The following DGLUCY variants were observed in gnomAD, a reference collection of about 807,000 sequenced individuals.
DGLUCY encodes D-glutamate cyclase, mitochondrial.
A neutral mutation model predicts 58.5 loss-of-function variants in DGLUCY; 58 were observed. That is an observed-to-expected ratio of 0.99 (90% CI 0.80 to 1.23). DGLUCY has a LOEUF of 1.23. Among genes scored for constraint, DGLUCY ranks in the 50% most tolerant of loss-of-function variants. The probability of loss-of-function intolerance (pLI) is 0.00; values close to 1 mark genes in which losing one functional copy is unlikely to be tolerated. For missense variants in DGLUCY, 779 were observed against 784.7 expected (o/e 0.99, Z 0.09); for synonymous variants, 325 against 314.1 (o/e 1.03, Z -0.37).
chr14:91,125,785 T>C (rs1427716642), intron 1 of DGLUCY, among the ~76,000 whole-genome samples: 1 of 152,096 alleles, frequency 6.6e-6, no homozygotes, highest in Admixed American at 6.5e-5. Context: ...AAATCCTGTC[T>C]CTACTAAAAA....
At chr14:91,085,744 T>C (rs1408319952) in intron 1 of DGLUCY, among the ~76,000 whole-genome samples, 1 of 152,030 alleles carries the variant, frequency 6.6e-6, no homozygotes, top group African/African-American at 2.4e-5. Flanking sequence ...TAATTTTGTA[T>C]TTTTAGTAGA....
intron 7 of DGLUCY, among the ~76,000 whole-genome samples, chr14:91,178,413 C>T (rs932134469): frequency 6.6e-6 from 1 of 152,146 alleles, no homozygotes; most frequent in African/African-American, 2.4e-5. Flanking sequence ...ATCCTCCCAC[C>T]TCAGCCTCCC....
At chr14:91,220,127 A>T (rs1298953439) in intron 13 of DGLUCY, among the ~76,000 whole-genome samples, 1 of 152,206 alleles carries the variant, frequency 6.6e-6, no homozygotes. Context: ...TTGTAAAAAC[A>T]TCGGGCCTGC....
chr14:91,222,633 A>G (rs920391554), intron 13 of DGLUCY, among the ~76,000 whole-genome samples: 6 of 152,218 alleles, frequency 3.9e-5, no homozygotes, highest in African/African-American at 1.2e-4. Flanking sequence ...AGCTGTGAAG[A>G]GACAGTTTGC....
At chr14:91,124,997 A>G (rs895652949) in intron 1 of DGLUCY, among the ~76,000 whole-genome samples, 4 of 152,178 alleles carry the variant, frequency 2.6e-5, no homozygotes, top group Non-Finnish European at 4.4e-5. Flanking sequence ...ACATTGCACA[A>G]GTTACTTCCT....
At chr14:91,072,836 T>C (rs143838042) in intron 1 of DGLUCY, among the ~76,000 whole-genome samples, 49,257 of 151,484 alleles carry the variant, frequency 0.33, 8,433 homozygotes, top group African/African-American at 0.43. Flanking sequence ...GGTGAAACCC[T>C]GTCTCTACTA....
intron 13 of DGLUCY, among the ~76,000 whole-genome samples, chr14:91,221,419 AATAG>A (rs1452628898): frequency 3.0e-4 from 45 of 150,616 alleles, no homozygotes; most frequent in Admixed American, 1.3e-3. Flanking sequence ...ATGGATGGAT[AATAG>A]ATGGATGGAT....
intron 1 of DGLUCY, among the ~76,000 whole-genome samples, chr14:91,100,897 C>A (rs1172789775): frequency 1.3e-5 from 2 of 152,028 alleles, no homozygotes; most frequent in Non-Finnish European, 2.9e-5. Flanking sequence ...ATGGTAAAAC[C>A]CTGTCTCTAC....
chr14:91,136,779 G>A (rs1464520869), intron 1 of DGLUCY, among the ~76,000 whole-genome samples: 1 of 151,950 alleles, frequency 6.6e-6, no homozygotes, highest in Non-Finnish European at 1.5e-5. Context: ...GACCAGCCTG[G>A]CCAACATGGA....
At chr14:91,173,579 C>T (rs914961370) in intron 6 of DGLUCY, 140 bp downstream of exon 6, 5 of 1,217,500 alleles carry the variant, frequency 4.1e-6, no homozygotes, top group Non-Finnish European at 5.5e-6. Context: ...ATGATCCTGA[C>T]AGCCTCTCTT....
At chr14:91,176,094 G>A in intron 7 of DGLUCY, 38 bp downstream of exon 7, 1 of 1,606,644 alleles carries the variant, frequency 6.2e-7, no homozygotes. Flanking sequence ...ATCTGCCCTA[G>A]GATGGAGCCC....
In DGLUCY at chr14:91,170,110, T is replaced by G; in HGVS notation, c.365T>G (p.Leu122Arg). 1 of 1,613,174 alleles carries G rather than the reference T, an allele frequency of 6.2e-7. No homozygotes were observed. The highest frequency in any genetic ancestry group is 1.7e-5 in the Admixed American group (1 of 60,026). The change falls in exon 5 of 14, where the codon CTG becomes CGG. Residue 122 changes from leucine to arginine, a missense_variant. Physicochemically the swap from Leu to Arg is moderately radical, Grantham distance 102. Transcript: ENST00000256324. ...CTGAAGGACATGGTGGCCTTCTTCC[T>G]GGGCTGCAGCTTCTCCCTGGAGGAG... ...EQLKDMVAFF[L>R]GCSFSLEEAL...
At chr14:91,153,529 A>G (rs1474957757) in intron 1 of DGLUCY, among the ~76,000 whole-genome samples, 1 of 152,180 alleles carries the variant, frequency 6.6e-6, no homozygotes, top group Non-Finnish European at 1.5e-5. Flanking sequence ...GGCACTGTTG[A>G]TGCTGCACAT....
intron 1 of DGLUCY, among the ~76,000 whole-genome samples, chr14:91,127,130 C>T (rs751437349): frequency 2.9e-4 from 41 of 143,702 alleles, no homozygotes; most frequent in Non-Finnish European, 5.5e-4. Flanking sequence ...AAGTATGGCT[C>T]ACTACAGCCT....
chr14:91,209,640 G>A (rs558546533), intron 12 of DGLUCY, among the ~76,000 whole-genome samples: 3 of 151,438 alleles, frequency 2.0e-5, no homozygotes, highest in Admixed American at 6.6e-5. Context: ...CCCGGGAGGC[G>A]GAGCTTGTAG....
At chr14:91,205,806 T>TCTC (rs146159847) in intron 12 of DGLUCY, among the ~76,000 whole-genome samples, 1,527 of 131,894 alleles carry the variant, frequency 0.012, 53 homozygotes, top group African/African-American at 0.045. Context: ...TCCGTCTCCT[T>TCTC]CTCCTCCTCC....
chr14:91,084,284 A>G (rs1286528215), intron 1 of DGLUCY, among the ~76,000 whole-genome samples: 1 of 143,746 alleles, frequency 7.0e-6, no homozygotes, highest in Non-Finnish European at 1.5e-5. Flanking sequence ...GCTCACTGCA[A>G]CCTCCACCTC....
chr14:91,206,446 G>A (rs55910929), intron 12 of DGLUCY, among the ~76,000 whole-genome samples: 15,675 of 151,776 alleles, frequency 0.1, 940 homozygotes, highest in South Asian at 0.15. Context: ...GCAGTGGCAC[G>A]ATCTCAGCTC....
intron 7 of DGLUCY, among the ~76,000 whole-genome samples, chr14:91,177,660 C>G (rs1016498277): frequency 6.6e-6 from 1 of 152,244 alleles, no homozygotes; most frequent in African/African-American, 2.4e-5. Context: ...GCCACACTTG[C>G]GCTGTAAGCA....
Sources: gnomAD v4.1 joint callset for allele counts (sites outside exome capture counted in the v4.1 genomes callset) on GRCh38, gnomAD v4.1.1 for gene constraint, MANE v1.5 for transcripts, NCBI Gene and HGNC (gene_info 2026-07-23, HGNC 2026-07-21) for gene names.